The following LGI4 variants were observed in gnomAD, a reference collection of about 807,000 sequenced individuals.
LGI4 encodes the protein leucine-rich repeat LGI family member 4.
Under a neutral mutation model 48.3 loss-of-function variants are expected in LGI4, and 36 were observed. The ratio of observed to expected loss-of-function variants is 0.75; its 90% CI spans 0.57 to 0.98. LGI4 has a LOEUF of 0.98. Ranked by LOEUF, LGI4 falls within the 50% of genes least tolerant of loss-of-function variation. LGI4 has a pLI of 0.00. For synonymous variants in LGI4, 355 were observed against 331.6 expected, an observed-to-expected ratio of 1.07 and a Z score of -0.77; for missense variants, 701 against 732.1, an observed-to-expected ratio of 0.96 and a Z score of 0.49.
chr19:35,127,481 G>C (rs189470922), intron 6 of LGI4, among the ~76,000 whole-genome samples: 10 of 151,708 alleles, frequency 6.6e-5, no homozygotes, highest in African/African-American at 2.4e-4. Flanking sequence ...TCCACCTCCT[G>C]GGTTCAAACA....
rs1399863269 is a variant in LGI4, at chr19:35,134,920, G to C, written c.-240C>G. The C allele has an allele frequency of 5.8e-6, 3 of 517,952 alleles. No individual in the cohort carries two copies. Among genetic ancestry groups the C allele is most frequent in the Non-Finnish European group, 1.0e-5 (3 of 296,114 alleles). 32.1% of individuals were successfully genotyped at this position (517,952 alleles called of 1,614,324 possible). ...TTTCTGTCTCTGTATTTTTGACTCT[G>C]TGTGTTAGTCTGTTTCTATTTCTGT... is the stretch of plus-strand genomic sequence containing the variant. On this transcript the variant is annotated 5_prime_UTR_variant, in exon 1 of 9. Transcript: ENST00000310123.
intron 6 of LGI4, among the ~76,000 whole-genome samples, chr19:35,127,774 C>G (rs2065150062): frequency 6.6e-6 from 1 of 152,182 alleles, no homozygotes; most frequent in African/African-American, 2.4e-5. Flanking sequence ...TCACAACATC[C>G]CTGTGAGGTA....
chr19:35,128,753 A>G (rs1293444200), intron 6 of LGI4, among the ~76,000 whole-genome samples: 1 of 152,076 alleles, frequency 6.6e-6, no homozygotes, highest in Non-Finnish European at 1.5e-5. Flanking sequence ...TATTCTTGCC[A>G]TGGCCCAGAA....
Position 35,131,486 on chromosome 19 carries a change from C to A in LGI4, c.528G>T (p.Val176=). ...AGGCGCCGGTCCCCACGCTGGCATT[C>A]ACGGTGGGCATCCACTGCAGGAGCC... is the stretch of plus-strand genomic sequence containing the variant. ...VLWLLQWMPT[V]NASVGTGACA... Residue 176 remains valine, a synonymous_variant, in exon 6 of 9, where the codon GTG becomes GTT. Coordinates refer to ENST00000310123, the MANE Select transcript of LGI4 (RefSeq NM_139284.3). The A allele has an allele frequency of 6.4e-7, 1 of 1,551,302 alleles. No individual in the cohort carries two copies. Among genetic ancestry groups the A allele is most frequent in the Non-Finnish European group, 8.7e-7 (1 of 1,146,982 alleles).
rs1473245659 is a variant in LGI4 at position 35,125,446 on chromosome 19, T to A, written c.1361A>T (p.His454Leu). The change falls in exon 9 of 9, where the codon CAC (histidine) becomes CTC (leucine). Residue 454 changes from histidine to leucine, a missense_variant. Transcript: ENST00000310123. ...GGCGATGAGCAGTGGCTGGAAGACG[T>A]GGGCACCGCGCGAGGGAAGTTGCTG... Reference protein sequence around the residue: ...LLQQLPSRGAHVFQPLLIARD... With the variant: ...LLQQLPSRGALVFQPLLIARD... 22 of 1,604,390 alleles carry A rather than the reference T, an allele frequency of 1.4e-5. No individual in the cohort carries two copies. The African/African-American group carries it at 2.9e-4, about 21-fold the overall frequency.
Position 35,126,369 on chromosome 19 carries a change from G to A in LGI4, c.1200C>T (p.Arg400=). 1.9e-6 allele frequency: 3 copies of A among 1,611,420 alleles called. No individual in the cohort carries two copies. Among genetic ancestry groups the A allele is most frequent in the Non-Finnish European group, 2.5e-6 (3 of 1,179,572 alleles). The change falls in exon 8 of 9, where the codon CGC becomes CGT. Residue 400 remains arginine, a synonymous_variant. Transcript: ENST00000310123. ...FHWTGGRFER[R]TDIPEAEDVY... ...CATCCTCGGCCTCGGGGATGTCTGT[G>A]CGTCTCTCGAAGCGGCCACCGGTCC...
intron 1 of LGI4, 147 bp from the exon 2 acceptor site, chr19:35,134,251 C>T (rs959668761): frequency 5.1e-5 from 42 of 826,958 alleles, no homozygotes; most frequent in Non-Finnish European, 7.6e-5. Context: ...CAGGCATTTG[C>T]CCTCCTGGCT....
Position 35,134,888 on chromosome 19 carries a change from C to T in LGI4, c.-208G>A. On this transcript the variant is annotated 5_prime_UTR_variant, in exon 1 of 9. Transcript: ENST00000310123. ...TGTCTAATTTTCTGTTTCTCTTTCT[C>T]CCTGTCTTTCTGTCTCTGTATTTTT... 3.9e-6 allele frequency: 2 copies of T among 517,680 alleles called. No homozygotes were observed. Among genetic ancestry groups the T allele is most frequent in the Non-Finnish European group, 6.7e-6 (2 of 296,408 alleles). 32.1% of individuals were successfully genotyped at this position (517,680 alleles called of 1,614,324 possible). A position where few individuals can be genotyped will look rare whatever the true frequency, so the allele number is the denominator to read the frequency against.
intron 3 of LGI4, among the ~76,000 whole-genome samples, chr19:35,132,850 T>C (rs1200613632): frequency 1.3e-5 from 2 of 151,914 alleles, no homozygotes; most frequent in African/African-American, 4.8e-5. Flanking sequence ...AAGATGCACA[T>C]ATTCACCCAC....
chr19:35,124,961 G>T lies in LGI4; in HGVS notation c.*232C>A. 1 of 399,594 alleles carries T rather than the reference G, an allele frequency of 2.5e-6. No homozygotes were observed. The highest frequency in any genetic ancestry group is 4.4e-6 in the Non-Finnish European group (1 of 225,186). The allele number at this position is 399,594 out of a possible 1,614,324, so 24.8% of individuals were successfully genotyped here. A position where few individuals can be genotyped will look rare whatever the true frequency, so the allele number is the denominator to read the frequency against. On this transcript the variant is annotated 3_prime_UTR_variant, in exon 9 of 9. Coordinates refer to ENST00000310123, the MANE Select transcript of LGI4 (RefSeq NM_139284.3). Reference sequence around the variant, plus strand: ...GAATCTGCCCCAGCCGAGATGTCCAGATGTTGCTTTAGACCTGAAGGGCAG... The same window carrying T: ...GAATCTGCCCCAGCCGAGATGTCCATATGTTGCTTTAGACCTGAAGGGCAG...
chr19:35,132,168 C>T, intron 3 of LGI4, 126 bp from the exon 4 acceptor site: 2 of 822,254 alleles, frequency 2.4e-6, no homozygotes, highest in South Asian at 1.5e-5. Flanking sequence ...CCAGGGAAAG[C>T]CTCTCAAAAA....
chr19:35,129,764 C>T (rs35584535), intron 6 of LGI4, among the ~76,000 whole-genome samples: 14,702 of 152,016 alleles, frequency 0.097, 899 homozygotes, highest in Non-Finnish European at 0.15. Context: ...TCCCCCAGCC[C>T]GACACCTGTA....
chr19:35,134,124 T>C lies in LGI4; in HGVS notation c.171-20A>G, dbSNP rs1441337513. ...AGTGAGCTGGGGATGTGGGCAGTGG[T>C]AGGTGAGAGGGACACCACAGCAATA... On this transcript the variant is annotated intron_variant, in intron 1 of 8. Coordinates refer to ENST00000310123, the MANE Select transcript of LGI4 (RefSeq NM_139284.3). 3.9e-6 allele frequency: 6 copies of C among 1,556,316 alleles called. No homozygotes were observed. In the South Asian group the frequency reaches 5.9e-5, roughly 15 times the overall value.
Position 35,126,842 on chromosome 19 carries a change from AG to A in LGI4, c.793+10del, listed in dbSNP as rs771658999. On this transcript the variant is annotated intron_variant, in intron 7 of 8. Coordinates refer to ENST00000310123, the MANE Select transcript of LGI4 (RefSeq NM_139284.3). ...CTGCTGGACAGGCAGAAGGACGGGGAGGGGGCTCACCGGGCAGCTCTTCCTC... is the reference window on the plus strand; with the variant it reads ...CTGCTGGACAGGCAGAAGGACGGGGAGGGGCTCACCGGGCAGCTCTTCCTC... 6.2e-7 allele frequency: 1 copy of A among 1,607,424 alleles called. No individual in the cohort carries two copies. The highest frequency in any genetic ancestry group is 1.1e-5 in the South Asian group (1 of 90,874).
intron 3 of LGI4, 131 bp from the exon 4 acceptor site, chr19:35,132,173 C>T: frequency 1.3e-6 from 1 of 768,944 alleles, no homozygotes; most frequent in Non-Finnish European, 2.2e-6. Flanking sequence ...GAAAGCCTCT[C>T]AAAAACCTCT....
rs368479590 is a variant in LGI4 at position 35,125,237 on chromosome 19, G to A, written c.1570C>T (p.Pro524Ser). 1.3e-6 allele frequency: 2 copies of A among 1,577,796 alleles called. No individual in the cohort carries two copies. The highest frequency in any genetic ancestry group is 1.7e-6 in the Non-Finnish European group (2 of 1,159,988). Residue 524 changes from proline (P) to serine (S), a missense_variant, in exon 9 of 9, where the codon CCC becomes TCC. Physicochemically the swap from Pro to Ser is moderately conservative, Grantham distance 74. Transcript: ENST00000310123. Reference sequence around the variant, plus strand: ...TCGTGATGCTGGTAGATCTGTGTGGGGCCCTTAAAGCAAGCAGCAAAGAGG... The same window carrying A: ...TCGTGATGCTGGTAGATCTGTGTGGAGCCCTTAAAGCAAGCAGCAAAGAGG... ...RFLFAACFKG[P>S]TQIYQHHEID... is the part of the protein sequence containing the mutation.
In LGI4 at chr19:35,124,959, C is replaced by T. The variant is rs1306337659; in HGVS notation, c.*234G>A. ...GGGAATCTGCCCCAGCCGAGATGTC[C>T]AGATGTTGCTTTAGACCTGAAGGGC... On this transcript the variant is annotated 3_prime_UTR_variant, in exon 9 of 9. Transcript: ENST00000310123. The T allele has an allele frequency of 7.6e-6, 3 of 396,668 alleles. No homozygotes were observed. Among genetic ancestry groups the T allele is most frequent in the African/African-American group, 6.1e-5 (3 of 49,006 alleles). The allele number at this position is 396,668 out of a possible 1,614,324, so 24.6% of individuals were successfully genotyped here.
At chr19:35,133,468 T>TCATTAAA in intron 3 of LGI4, 1 of 1,377,700 alleles carries the variant, frequency 7.3e-7, no homozygotes, top group Non-Finnish European at 9.3e-7. Flanking sequence ...AGTGAGGTGA[T>TCATTAAA]AATCAACACT....
chr19:35,134,589 C>G lies in LGI4; in HGVS notation c.92G>C (p.Cys31Ser). The change falls in exon 1 of 9, where the codon TGC becomes TCC. Residue 31 changes from cysteine (C) to serine (S), a missense_variant. Cys to Ser is a moderately radical substitution (Grantham distance 112). Coordinates refer to ENST00000310123, the MANE Select transcript of LGI4 (RefSeq NM_139284.3). Reference sequence around the variant, plus strand: ...CAGGGCGCTGTCTTTAGAGCAGGAGCAGCGCAGGGGACACTTTCCCTTTGG... The same window carrying G: ...CAGGGCGCTGTCTTTAGAGCAGGAGGAGCGCAGGGGACACTTTCCCTTTGG... ...RPPKGKCPLR[C>S]SCSKDSALCE... 1 of 1,585,500 alleles carries G rather than the reference C, an allele frequency of 6.3e-7. No homozygotes were observed. Among genetic ancestry groups the G allele is most frequent in the Non-Finnish European group, 8.6e-7 (1 of 1,166,304 alleles).
Sources: allele counts gnomAD v4.1 joint callset (sites outside exome capture counted in the v4.1 genomes callset), GRCh38; gene constraint gnomAD v4.1.1; transcripts MANE v1.5; gene names NCBI Gene and HGNC (gene_info 2026-07-23, HGNC 2026-07-21).